The following FHIP1A variants were observed in gnomAD, a reference collection of about 807,000 sequenced individuals.
FHIP1A encodes the protein FHF complex subunit HOOK interacting protein 1A.
In FHIP1A, 61 loss-of-function variants were observed where a neutral mutation model predicts 88.6. The observed-to-expected ratio is 0.69, with a 90% CI of 0.56 to 0.85. FHIP1A has a LOEUF of 0.85. FHIP1A is among the 40% of genes least tolerant of loss of function. The pLI, the probability that FHIP1A is intolerant of heterozygous loss-of-function variation, is 0.00. For synonymous variants in FHIP1A, 478 were observed against 496.0 expected (o/e 0.96, Z 0.48); for missense variants, 1,154 against 1,273.5 (o/e 0.91, Z 1.43).
At chr4:151,484,411 T>C (rs1274793155) in intron 3 of FHIP1A, among the ~76,000 whole-genome samples, 2 of 151,806 alleles carry the variant, frequency 1.3e-5, no homozygotes, top group African/African-American at 4.8e-5. Flanking sequence ...ACTTTGGGAG[T>C]GGGGTGTGAA....
At chr4:151,465,339 G>A (rs1335275994) in intron 2 of FHIP1A, among the ~76,000 whole-genome samples, 13 of 152,134 alleles carry the variant, frequency 8.5e-5, no homozygotes, top group Admixed American at 8.5e-4. Context: ...TCGAATCCCT[G>A]AAGAGACCAG....
intron 7 of FHIP1A, among the ~76,000 whole-genome samples, chr4:151,628,852 C>G (rs912006923): frequency 3.3e-5 from 5 of 152,084 alleles, no homozygotes; most frequent in African/African-American, 1.2e-4. Context: ...GGTATATTCT[C>G]ATCTTAGGAG....
chr4:151,578,017 CTT>C lies in FHIP1A; in HGVS notation c.675_676del (p.Ser226CysfsTer2). ...GGATGCATTGCTCTTCATCATGTCT[CTT>C]TCTGCTGAGAACACCATGGTGGCCC... Reference protein sequence around the residue: ...ARDALLFIMSLSAENTMVAHH... With the variant: ...ARDALLFIMSXSAENTMVAHH... On this transcript the variant is annotated frameshift_variant, in exon 5 of 14. Transcript: ENST00000435205. LOFTEE classifies it high-confidence loss of function. 6.4e-7 allele frequency: 1 copy of C among 1,551,214 alleles called. No homozygotes were observed. The highest frequency in any genetic ancestry group is 8.7e-7 in the Non-Finnish European group (1 of 1,146,916).
intron 1 of FHIP1A, among the ~76,000 whole-genome samples, chr4:151,446,768 A>G (rs937957766): frequency 1.3e-5 from 2 of 152,088 alleles, no homozygotes; most frequent in South Asian, 2.1e-4. Flanking sequence ...AGTGCACACT[A>G]TTAAAGTTGG....
intron 3 of FHIP1A, among the ~76,000 whole-genome samples, chr4:151,527,265 C>T (rs1731707946): frequency 6.6e-6 from 1 of 152,222 alleles, no homozygotes; most frequent in African/African-American, 2.4e-5. Context: ...ACTCCGTCTG[C>T]AATCCCGGCA....
At chr4:151,412,018 A>G (rs1414413309) in intron 1 of FHIP1A, among the ~76,000 whole-genome samples, 1 of 152,198 alleles carries the variant, frequency 6.6e-6, no homozygotes, top group Non-Finnish European at 1.5e-5. Flanking sequence ...TTCATGTACC[A>G]TGTTTGTGCC....
At chr4:151,570,526 C>T (rs1245699357) in intron 4 of FHIP1A, among the ~76,000 whole-genome samples, 1 of 152,170 alleles carries the variant, frequency 6.6e-6, no homozygotes, top group Non-Finnish European at 1.5e-5. Context: ...GATCATGGCA[C>T]ACTACAGCCT....
chr4:151,551,653 C>G (rs1188139145), intron 3 of FHIP1A, among the ~76,000 whole-genome samples: 1 of 152,102 alleles, frequency 6.6e-6, no homozygotes, highest in Non-Finnish European at 1.5e-5. Flanking sequence ...GAAACTGGAT[C>G]CCTTCCTTAC....
At chr4:151,527,552 C>T (rs557081152) in intron 3 of FHIP1A, among the ~76,000 whole-genome samples, 4 of 151,530 alleles carry the variant, frequency 2.6e-5, no homozygotes, top group Admixed American at 6.6e-5. Context: ...AGAGCGAGAG[C>T]GAGAGAGAGA....
intron 3 of FHIP1A, among the ~76,000 whole-genome samples, chr4:151,541,921 A>G (rs557499370): frequency 5.0e-4 from 76 of 152,270 alleles, no homozygotes; most frequent in African/African-American, 1.5e-3. Context: ...TGCAGAGTAC[A>G]ATTGAGACAG....
At chr4:151,451,416 C>G (rs1006470335) in intron 1 of FHIP1A, among the ~76,000 whole-genome samples, 1 of 152,054 alleles carries the variant, frequency 6.6e-6, no homozygotes, top group African/African-American at 2.4e-5. Context: ...CTTGAGCAAG[C>G]AGGAGTTCAT....
chr4:151,649,053 A>C (rs778007801), intron 10 of FHIP1A, among the ~76,000 whole-genome samples: 3 of 152,176 alleles, frequency 2.0e-5, no homozygotes, highest in Non-Finnish European at 4.4e-5. Flanking sequence ...TTCATGGATT[A>C]CCAGCCTTCC....
At chr4:151,422,885 A>C (rs1305297226) in intron 1 of FHIP1A, among the ~76,000 whole-genome samples, 2 of 151,866 alleles carry the variant, frequency 1.3e-5, no homozygotes, top group East Asian at 3.9e-4. Flanking sequence ...GGTGACTTTT[A>C]GGTTCTCTGC....
chr4:151,465,049 G>A (rs1729261603), intron 2 of FHIP1A, among the ~76,000 whole-genome samples: 1 of 151,946 alleles, frequency 6.6e-6, no homozygotes, highest in Non-Finnish European at 1.5e-5. Context: ...TCTACAAAAT[G>A]TTTTAAAAAT....
At chr4:151,624,339 G>A (rs2126869328) in intron 7 of FHIP1A, among the ~76,000 whole-genome samples, 1 of 152,254 alleles carries the variant, frequency 6.6e-6, no homozygotes, top group Middle Eastern at 3.4e-3. Context: ...ACATGGCCTT[G>A]GGAGCACCAC....
chr4:151,526,853 G>C (rs1191410441), intron 3 of FHIP1A, among the ~76,000 whole-genome samples: 2 of 150,922 alleles, frequency 1.3e-5, no homozygotes, highest in South Asian at 2.1e-4. Context: ...CAGATGGGGC[G>C]GCCGGGCAGA....
At chr4:151,437,022 A>G (rs952555746) in intron 1 of FHIP1A, among the ~76,000 whole-genome samples, 1 of 152,180 alleles carries the variant, frequency 6.6e-6, no homozygotes, top group Non-Finnish European at 1.5e-5. Flanking sequence ...AAGTCTGCAT[A>G]TGTTCAGTAC....
intron 1 of FHIP1A, among the ~76,000 whole-genome samples, chr4:151,445,874 T>TATATATATATATATATATATATATA (rs1728582517): frequency 4.5e-5 from 3 of 66,882 alleles, no homozygotes; most frequent in Admixed American, 1.4e-4. Context: ...ATATATATAT[T>TATATATATATATATATATATATATA]TCATATGATA....
intron 7 of FHIP1A, among the ~76,000 whole-genome samples, chr4:151,598,546 G>A (rs1461734827): frequency 6.6e-6 from 1 of 152,030 alleles, no homozygotes; most frequent in East Asian, 1.9e-4. Context: ...TTTTCTTTGT[G>A]CATTCTCTCA....
Sources: gnomAD v4.1 joint callset for allele counts (sites outside exome capture counted in the v4.1 genomes callset) on GRCh38, gnomAD v4.1.1 for gene constraint, MANE v1.5 for transcripts, NCBI Gene and HGNC (gene_info 2026-07-23, HGNC 2026-07-21) for gene names.